The following DTWD2 variants were observed in gnomAD, a reference collection of about 807,000 sequenced individuals.
DTWD2 encodes tRNA-uridine aminocarboxypropyltransferase 2.
Under a neutral mutation model 31.8 loss-of-function variants are expected in DTWD2, and 39 were observed. The ratio of observed to expected loss-of-function variants is 1.22; its 90% CI spans 0.95 to 1.60. The LOEUF is 1.60. DTWD2 is among the 40% of genes most tolerant of loss of function. The pLI, the probability that DTWD2 is intolerant of heterozygous loss-of-function variation, is 0.00. For synonymous variants in DTWD2, 180 were observed against 142.8 expected, an observed-to-expected ratio of 1.26 and a Z score of -1.86; for missense variants, 515 against 381.5, an observed-to-expected ratio of 1.35 and a Z score of -2.92.
At chr5:118,931,253 A>C (rs1753916205) in intron 3 of DTWD2, among the ~76,000 whole-genome samples, 1 of 151,988 alleles carries the variant, frequency 6.6e-6, no homozygotes, top group Non-Finnish European at 1.5e-5. Flanking sequence ...AAATCAGCCA[A>C]GCATGGTGGC....
chr5:118,943,499 T>A (rs570382902), intron 2 of DTWD2, among the ~76,000 whole-genome samples: 1 of 145,950 alleles, frequency 6.9e-6, no homozygotes, highest in South Asian at 2.1e-4. Flanking sequence ...TGCAGTGAGC[T>A]GAGATCGCGC....
chr5:118,863,315 A>G (rs946164474), intron 4 of DTWD2, among the ~76,000 whole-genome samples: 5 of 152,248 alleles, frequency 3.3e-5, no homozygotes, highest in Non-Finnish European at 7.3e-5. Flanking sequence ...CATATATTAT[A>G]TGCTGCCTAT....
intron 4 of DTWD2, among the ~76,000 whole-genome samples, 166 bp from the exon 5 acceptor site, chr5:118,848,384 T>C (rs1223603061): frequency 6.6e-6 from 1 of 152,332 alleles, no homozygotes; most frequent in East Asian, 1.9e-4. Context: ...AATTGTTAAA[T>C]AGTAGAAGAT....
At chr5:118,940,275 G>A (rs1754150094) in intron 2 of DTWD2, among the ~76,000 whole-genome samples, 1 of 152,136 alleles carries the variant, frequency 6.6e-6, no homozygotes, top group African/African-American at 2.4e-5. Flanking sequence ...TCCGCCTTAG[G>A]TGGTTTTAGG....
At chr5:118,928,822 T>C in intron 3 of DTWD2, 93 bp from the exon 4 acceptor site, 2 of 1,055,094 alleles carry the variant, frequency 1.9e-6, no homozygotes, top group Non-Finnish European at 2.6e-6. Flanking sequence ...AGTTTCCCTA[T>C]ATGTAGTCAT....
intron 1 of DTWD2, among the ~76,000 whole-genome samples, chr5:118,978,294 C>G (rs562477608): frequency 6.6e-6 from 1 of 152,194 alleles, no homozygotes; most frequent in Admixed American, 6.5e-5. Context: ...CCAGGCAATA[C>G]CATTCAGGAC....
chr5:118,876,482 C>T (rs556172301), intron 4 of DTWD2, among the ~76,000 whole-genome samples: 24 of 152,126 alleles, frequency 1.6e-4, no homozygotes, highest in African/African-American at 5.1e-4. Flanking sequence ...GAATAGACCA[C>T]TAGCTAGACT....
intron 4 of DTWD2, among the ~76,000 whole-genome samples, chr5:118,899,059 A>C (rs1317109718): frequency 1.3e-5 from 2 of 152,220 alleles, no homozygotes; most frequent in Non-Finnish European, 2.9e-5. Context: ...GTGATGCTGT[A>C]TCTTGTTTCA....
chr5:118,903,906 T>C (rs1335278785), intron 4 of DTWD2, among the ~76,000 whole-genome samples: 1 of 152,022 alleles, frequency 6.6e-6, no homozygotes, highest in Non-Finnish European at 1.5e-5. Context: ...AGCATTCATA[T>C]CAGAGAATTT....
chr5:118,849,826 T>C (rs1003335770), intron 4 of DTWD2, among the ~76,000 whole-genome samples: 1 of 151,832 alleles, frequency 6.6e-6, no homozygotes, highest in African/African-American at 2.4e-5. Flanking sequence ...AGTTGAACAA[T>C]GAGAACACAT....
At chr5:118,962,624 G>A (rs1343493607) in intron 1 of DTWD2, among the ~76,000 whole-genome samples, 1 of 152,160 alleles carries the variant, frequency 6.6e-6, no homozygotes, top group African/African-American at 2.4e-5. Flanking sequence ...AGTGGGATTA[G>A]GGAGTAAAAA....
intron 4 of DTWD2, among the ~76,000 whole-genome samples, chr5:118,852,872 A>G (rs1752043477): frequency 1.3e-5 from 2 of 152,210 alleles, no homozygotes; most frequent in Admixed American, 6.5e-5. Flanking sequence ...ATCATGGAAC[A>G]CTATGCATTC....
At chr5:118,913,057 G>A (rs761930710) in intron 4 of DTWD2, among the ~76,000 whole-genome samples, 17 of 152,154 alleles carry the variant, frequency 1.1e-4, no homozygotes, top group Non-Finnish European at 1.9e-4. Context: ...CTTATGCCTA[G>A]CGTTCCATTA....
At chr5:118,934,705 C>T (rs1295114031) in intron 3 of DTWD2, among the ~76,000 whole-genome samples, 1 of 152,052 alleles carries the variant, frequency 6.6e-6, no homozygotes, top group Non-Finnish European at 1.5e-5. Context: ...CTATGGTATT[C>T]ACTGGTAATG....
intron 4 of DTWD2, among the ~76,000 whole-genome samples, chr5:118,904,692 C>T (rs1055506458): frequency 6.6e-6 from 1 of 151,836 alleles, no homozygotes; most frequent in Non-Finnish European, 1.5e-5. Flanking sequence ...AACAGACATA[C>T]AGAGAAAAAG....
intron 4 of DTWD2, among the ~76,000 whole-genome samples, chr5:118,857,424 C>T (rs1413116670): frequency 2.0e-5 from 3 of 152,056 alleles, no homozygotes; most frequent in Non-Finnish European, 4.4e-5. Context: ...ATGACAAATG[C>T]TATTAAGACT....
At chr5:118,888,149 T>C (rs895422995) in intron 4 of DTWD2, among the ~76,000 whole-genome samples, 23 of 152,234 alleles carry the variant, frequency 1.5e-4, no homozygotes, top group Admixed American at 1.3e-4. Flanking sequence ...TGATAAGATT[T>C]GACATATGTA....
intron 4 of DTWD2, among the ~76,000 whole-genome samples, chr5:118,881,918 C>G (rs181385868): frequency 7.8e-4 from 119 of 152,228 alleles, no homozygotes; most frequent in African/African-American, 2.8e-3. Context: ...TCCGTCCCTG[C>G]CCCCTTGCAA....
At chr5:118,968,195 G>A (rs1005528046) in intron 1 of DTWD2, among the ~76,000 whole-genome samples, 6 of 148,550 alleles carry the variant, frequency 4.0e-5, no homozygotes, top group East Asian at 2.0e-4. Context: ...TAACAAAATC[G>A]TGAAAAAAAA....
Sources: gnomAD v4.1 joint callset for allele counts (sites outside exome capture counted in the v4.1 genomes callset) on GRCh38, gnomAD v4.1.1 for gene constraint, MANE v1.5 for transcripts, NCBI Gene and HGNC (gene_info 2026-07-23, HGNC 2026-07-21) for gene names.